TCERG1L: variants seen among roughly 807,000 people sequenced by gnomAD.
TCERG1L encodes the protein transcription elongation regulator 1-like protein.
TCERG1L carries 37 observed loss-of-function variants against 56.3 expected under a neutral mutation model. The ratio of observed to expected loss-of-function variants is 0.66; its 90% CI spans 0.51 to 0.87. TCERG1L has a LOEUF of 0.87. TCERG1L is among the 40% of genes least tolerant of loss of function. The probability of loss-of-function intolerance (pLI) is 0.00; values close to 1 mark genes in which losing one functional copy is unlikely to be tolerated. For synonymous variants in TCERG1L, 324 were observed against 326.3 expected (o/e 0.99, Z 0.08); for missense variants, 799 against 774.2 (o/e 1.03, Z -0.38).
At chr10:131,310,426 CAA>C (rs1231706789) in intron 1 of TCERG1L, among the ~76,000 whole-genome samples, 1 of 152,150 alleles carries the variant, frequency 6.6e-6, no homozygotes, top group Non-Finnish European at 1.5e-5. Flanking sequence ...GAAAAGCTCA[CAA>C]GATAATATTG....
intron 3 of TCERG1L, among the ~76,000 whole-genome samples, chr10:131,274,521 T>C (rs1195081962): frequency 6.6e-6 from 1 of 152,202 alleles, no homozygotes; most frequent in Non-Finnish European, 1.5e-5. Context: ...GTGCCCCTCC[T>C]CTGCTGACAT....
chr10:131,271,043 G>A (rs560388725), intron 3 of TCERG1L, among the ~76,000 whole-genome samples: 24 of 152,306 alleles, frequency 1.6e-4, no homozygotes, highest in African/African-American at 5.3e-4. Flanking sequence ...GCTCCACATC[G>A]TGACTTCCTG....
chr10:131,282,129 C>A (rs941343471), intron 3 of TCERG1L, among the ~76,000 whole-genome samples: 1 of 127,016 alleles, frequency 7.9e-6, no homozygotes, highest in African/African-American at 3.0e-5. Flanking sequence ...GAGCAAGACT[C>A]CATCTCAGAA....
At chr10:131,261,564 T>C (rs1384754020) in intron 3 of TCERG1L, among the ~76,000 whole-genome samples, 1 of 152,228 alleles carries the variant, frequency 6.6e-6, no homozygotes, top group African/African-American at 2.4e-5. Context: ...GGTCTCATGA[T>C]ACAGTAGGCA....
intron 3 of TCERG1L, among the ~76,000 whole-genome samples, chr10:131,269,969 G>A (rs546161180): frequency 2.0e-5 from 3 of 152,062 alleles, no homozygotes; most frequent in African/African-American, 4.8e-5. Context: ...GCAACCCCAC[G>A]TGCACATCAC....
intron 4 of TCERG1L, among the ~76,000 whole-genome samples, chr10:131,248,595 C>CTGTG (rs2056138882): frequency 6.6e-6 from 1 of 152,184 alleles, no homozygotes; most frequent in Non-Finnish European, 1.5e-5. Context: ...CTGCCTTGGG[C>CTGTG]TGTGTGTGGC....
chr10:131,127,474 C>T (rs1043864074), intron 8 of TCERG1L, among the ~76,000 whole-genome samples: 2 of 152,218 alleles, frequency 1.3e-5, no homozygotes, highest in Non-Finnish European at 2.9e-5. Context: ...GGGGTCCAAA[C>T]CTCGGAGAAG....
At chr10:131,182,269 T>C (rs1424878232) in intron 4 of TCERG1L, among the ~76,000 whole-genome samples, 2 of 152,236 alleles carry the variant, frequency 1.3e-5, no homozygotes, top group African/African-American at 4.8e-5. Context: ...CATTTTGCAT[T>C]GTCACTGGGT....
intron 4 of TCERG1L, among the ~76,000 whole-genome samples, chr10:131,196,669 G>A (rs999973722): frequency 6.6e-6 from 1 of 152,234 alleles, no homozygotes; most frequent in African/African-American, 2.4e-5. Flanking sequence ...ACCTGGGGCT[G>A]CGGCCCAGAG....
intron 4 of TCERG1L, among the ~76,000 whole-genome samples, chr10:131,212,878 G>A (rs959175923): frequency 6.6e-6 from 1 of 152,254 alleles, no homozygotes; most frequent in African/African-American, 2.4e-5. Context: ...GGTAGGAAGT[G>A]TGACACAGGC....
intron 4 of TCERG1L, among the ~76,000 whole-genome samples, chr10:131,233,742 A>AG (rs1845878696): frequency 6.6e-6 from 1 of 152,194 alleles, no homozygotes; most frequent in South Asian, 2.1e-4. Flanking sequence ...AACTCCTGCT[A>AG]TGCTTCGGCT....
chr10:131,185,235 A>G (rs1300689096), intron 4 of TCERG1L, among the ~76,000 whole-genome samples: 1 of 152,246 alleles, frequency 6.6e-6, no homozygotes, highest in Non-Finnish European at 1.5e-5. Context: ...AAAAAAATAG[A>G]TGTTTGAAAG....
chr10:131,303,822 G>A (rs1445596367), intron 3 of TCERG1L, among the ~76,000 whole-genome samples: 1 of 151,818 alleles, frequency 6.6e-6, no homozygotes, highest in Non-Finnish European at 1.5e-5. Flanking sequence ...TTTTCACATT[G>A]GCCAACTCTC....
chr10:131,100,184 C>A (rs992877684), intron 10 of TCERG1L, among the ~76,000 whole-genome samples: 1 of 152,182 alleles, frequency 6.6e-6, no homozygotes, highest in East Asian at 1.9e-4. Context: ...GCTTCTTATG[C>A]CTTCAAGGCA....
chr10:131,153,569 G>A (rs1010443709), intron 6 of TCERG1L, among the ~76,000 whole-genome samples: 3 of 152,194 alleles, frequency 2.0e-5, no homozygotes, highest in African/African-American at 7.2e-5. Context: ...ACTTAAGAAA[G>A]AGGCTTTACA....
Position 131,277,162 on chromosome 10 carries a change from C to T in TCERG1L, c.671-16718G>A, listed in dbSNP as rs552463275. On this transcript the variant is annotated intron_variant, in intron 3 of 11. Transcript: ENST00000368642. ...AGGAGCTGTGAGGAAGAGCAGAGAC[C>T]GGGCTTGGGAGGGCGGGGCCACACT... Among the ~76,000 whole-genome samples, 46 of 145,996 alleles carry T rather than the reference C, an allele frequency of 3.2e-4. 1 individual carries two copies. In the South Asian group the frequency reaches 0.011, roughly 34 times the overall value.
At chr10:131,298,530 C>G (rs957533974) in intron 3 of TCERG1L, among the ~76,000 whole-genome samples, 3 of 152,150 alleles carry the variant, frequency 2.0e-5, no homozygotes, top group Admixed American at 6.5e-5. Flanking sequence ...TCTCCTACCT[C>G]AGCCTCCCAA....
At chr10:131,235,830 C>T (rs958359724) in intron 4 of TCERG1L, among the ~76,000 whole-genome samples, 1 of 152,210 alleles carries the variant, frequency 6.6e-6, no homozygotes, top group Non-Finnish European at 1.5e-5. Context: ...GCACATCTTG[C>T]TCTGTACTTC....
intron 4 of TCERG1L, among the ~76,000 whole-genome samples, chr10:131,238,669 G>A (rs965526607): frequency 7.2e-5 from 11 of 152,194 alleles, no homozygotes; most frequent in African/African-American, 2.7e-4. Context: ...GCCCTTCCAT[G>A]TGCAGCCCTG....
Sources: allele counts gnomAD v4.1 joint callset (sites outside exome capture counted in the v4.1 genomes callset), GRCh38; gene constraint gnomAD v4.1.1; transcripts MANE v1.5; gene names NCBI Gene and HGNC (gene_info 2026-07-23, HGNC 2026-07-21).